Variants in DDR2 observed in about 807,000 individuals in gnomAD.
DDR2 encodes discoidin domain receptor tyrosine kinase 2, also known as discoidin domain-containing receptor 2.
DDR2 carries 27 observed loss-of-function variants against 94.9 expected under a neutral mutation model. The observed-to-expected ratio is 0.28, with a 90% CI of 0.21 to 0.39. The LOEUF is 0.39. DDR2 is among the 10% of genes least tolerant of loss of function. The pLI is 1.00. For missense variants in DDR2, 783 were observed against 1,076.0 expected, an observed-to-expected ratio of 0.73 and a Z score of 3.81; for synonymous variants, 382 against 377.2, an observed-to-expected ratio of 1.01 and a Z score of -0.15.
At chr1:162,729,292 A>ATTTTTTTTTT (rs1302068654) in intron 3 of DDR2, among the ~76,000 whole-genome samples, 2 of 23,828 alleles carry the variant, frequency 8.4e-5, no homozygotes, top group Admixed American at 2.9e-4. Context: ...ATATATATAT[A>ATTTTTTTTTT]TATATATATT....
chr1:162,779,967 A>G (rs1000323937), intron 17 of DDR2, 145 bp from the exon 18 acceptor site: 3 of 1,186,060 alleles, frequency 2.5e-6, no homozygotes, highest in East Asian at 2.3e-5. Context: ...GGAAAAATGG[A>G]CACTACACCC....
At chr1:162,739,701 T>C (rs565728786) in intron 3 of DDR2, among the ~76,000 whole-genome samples, 2 of 152,328 alleles carry the variant, frequency 1.3e-5, no homozygotes, top group African/African-American at 4.8e-5. Context: ...ATTTCATGAT[T>C]TGATTTACAT....
At chr1:162,711,120 T>C (rs764699596) in intron 2 of DDR2, among the ~76,000 whole-genome samples, 5 of 152,308 alleles carry the variant, frequency 3.3e-5, no homozygotes, top group Middle Eastern at 3.4e-3. Context: ...AAATCAGACA[T>C]GTCTTGCTTT....
At chr1:162,759,711 A>C in intron 7 of DDR2, 85 bp from the exon 8 acceptor site, 1 of 1,509,110 alleles carries the variant, frequency 6.6e-7, no homozygotes, top group Admixed American at 1.7e-5. Context: ...TCTGGAGTGA[A>C]GATGCCGGGT....
chr1:162,741,822 C>T, intron 3 of DDR2: 1 of 868,842 alleles, frequency 1.2e-6, no homozygotes, highest in Non-Finnish European at 1.4e-6. Flanking sequence ...CCTCCAGAAG[C>T]CTCTCTTTAT....
chr1:162,779,581 G>C (rs1647784282), intron 17 of DDR2, among the ~76,000 whole-genome samples: 1 of 152,044 alleles, frequency 6.6e-6, no homozygotes, highest in African/African-American at 2.4e-5. Flanking sequence ...ATAAGAGAGG[G>C]GTCTGAGAAT....
At chr1:162,740,040 T>C (rs1026044175) in intron 3 of DDR2, among the ~76,000 whole-genome samples, 3 of 152,124 alleles carry the variant, frequency 2.0e-5, no homozygotes, top group Non-Finnish European at 2.9e-5. Flanking sequence ...TTATTCCTTA[T>C]TTACATCTAT....
At chr1:162,743,619 C>T (rs1571276052) in intron 3 of DDR2, among the ~76,000 whole-genome samples, 1 of 152,130 alleles carries the variant, frequency 6.6e-6, no homozygotes, top group Admixed American at 6.5e-5. Context: ...AACATAAAGG[C>T]CTGGCCACAG....
intron 2 of DDR2, among the ~76,000 whole-genome samples, chr1:162,685,980 G>A (rs1659666598): frequency 2.0e-5 from 3 of 152,268 alleles, no homozygotes; most frequent in African/African-American, 4.8e-5. Flanking sequence ...AAGAATAACC[G>A]AAGAAGAGGG....
intron 2 of DDR2, among the ~76,000 whole-genome samples, chr1:162,717,106 G>T (rs1661204893): frequency 6.6e-6 from 1 of 151,688 alleles, no homozygotes; most frequent in Non-Finnish European, 1.5e-5. Context: ...CACAATCTCG[G>T]CTCACTGCAA....
In DDR2 at chr1:162,729,967, T is replaced by C. The variant is rs112795531; in HGVS notation, c.82+10822T>C. 5.2e-3 allele frequency among the ~76,000 whole-genome samples: 720 copies of C among 138,898 alleles called. 8 individuals carry two copies. Among genetic ancestry groups the C allele is most frequent in the African/African-American group, 0.019 (702 of 36,878 alleles). 91.1% of individuals were successfully genotyped at this position (138,898 alleles called of 152,430 possible). A position where few individuals can be genotyped will look rare whatever the true frequency, so the allele number is the denominator to read the frequency against. Reference sequence around the variant, plus strand: ...CATGTTGGTCAGGCTGGTCTCGAACTCCCGACCTCAGGTGATCCACCCACC... The same window carrying C: ...CATGTTGGTCAGGCTGGTCTCGAACCCCCGACCTCAGGTGATCCACCCACC... On this transcript the variant is annotated intron_variant, in intron 3 of 17. Transcript: ENST00000367921.
At chr1:162,725,890 A>G (rs896480891) in intron 3 of DDR2, among the ~76,000 whole-genome samples, 11 of 152,276 alleles carry the variant, frequency 7.2e-5, no homozygotes, top group Non-Finnish European at 1.3e-4. Flanking sequence ...CCAGTTCTAG[A>G]AAAGACTAAG....
In DDR2 at chr1:162,780,406, CT is replaced by C; in HGVS notation, c.*161del. 2 of 1,014,016 alleles carry C rather than the reference CT, an allele frequency of 2.0e-6. No homozygotes were observed. The highest frequency in any genetic ancestry group is 2.9e-6 in the Non-Finnish European group (2 of 701,328). The allele number at this position is 1,014,016 out of a possible 1,614,324, so 62.8% of individuals were successfully genotyped here. On this transcript the variant is annotated 3_prime_UTR_variant, in exon 18 of 18. Coordinates refer to ENST00000367921, the MANE Select transcript of DDR2 (RefSeq NM_006182.4). ...TCCTGGTCACCCCCACTCCCTACCC[CT>C]GACTCATATACACTTTTTTTTTTTT...
At chr1:162,639,763 A>G (rs1164801503) in intron 1 of DDR2, among the ~76,000 whole-genome samples, 2 of 152,252 alleles carry the variant, frequency 1.3e-5, no homozygotes, top group Non-Finnish European at 2.9e-5. Flanking sequence ...ACGATTTTTC[A>G]ACTTTACGAC....
Position 162,752,088 on chromosome 1 carries a change from A to G in DDR2, c.83-1007A>G, listed in dbSNP as rs150333529. ...TGCAGCACACCAACATGGCACATGT[A>G]TATATGTGACAAACCTGCACATTGT... On this transcript the variant is annotated intron_variant, in intron 3 of 17. Coordinates refer to ENST00000367921, the MANE Select transcript of DDR2 (RefSeq NM_006182.4). Among the ~76,000 whole-genome samples the G allele has an allele frequency of 4.5e-3, 681 of 152,262 alleles. 4 individuals are homozygous for G. The highest frequency in any genetic ancestry group is 5.8e-3 in the Admixed American group (89 of 15,294).
rs1190737476 is a variant in DDR2 at position 162,785,969 on chromosome 1, C to A, written c.*5723C>A. 3 of 152,170 alleles carry A rather than the reference C, an allele frequency of 2.0e-5. No homozygotes were observed. Among genetic ancestry groups the A allele is most frequent in the Admixed American group, 6.5e-5 (1 of 15,270 alleles). 9.4% of individuals were successfully genotyped at this position (152,170 alleles called of 1,614,324 possible). A position where few individuals can be genotyped will look rare whatever the true frequency, so the allele number is the denominator to read the frequency against. On this transcript the variant is annotated 3_prime_UTR_variant, in exon 18 of 18. Coordinates refer to ENST00000367921, the MANE Select transcript of DDR2 (RefSeq NM_006182.4). ...GAAACAAGCTATCTAGTTTCTCCTGCAGACACCTTGTCAACAACATGCAAC... is the reference window on the plus strand; with the variant it reads ...GAAACAAGCTATCTAGTTTCTCCTGAAGACACCTTGTCAACAACATGCAAC...
At chr1:162,757,743 A>C (rs1340756390) in intron 7 of DDR2, among the ~76,000 whole-genome samples, 1 of 152,176 alleles carries the variant, frequency 6.6e-6, no homozygotes, top group Non-Finnish European at 1.5e-5. Context: ...TGAGGAGGCT[A>C]TGAGGAACAT....
chr1:162,716,149 G>T (rs573926752), intron 2 of DDR2, among the ~76,000 whole-genome samples: 1 of 152,256 alleles, frequency 6.6e-6, no homozygotes, highest in East Asian at 1.9e-4. Context: ...TTTTGGTGAA[G>T]GAAAGAAAGG....
At chr1:162,761,850 A>T (rs1183094135) in intron 9 of DDR2, among the ~76,000 whole-genome samples, 1 of 152,218 alleles carries the variant, frequency 6.6e-6, no homozygotes, top group African/African-American at 2.4e-5. Flanking sequence ...CAGCTTTACT[A>T]ATCATTGATA....
Sources: gnomAD v4.1 joint callset for allele counts (sites outside exome capture counted in the v4.1 genomes callset) on GRCh38, gnomAD v4.1.1 for gene constraint, MANE v1.5 for transcripts, NCBI Gene and HGNC (gene_info 2026-07-23, HGNC 2026-07-21) for gene names.